Variants in DNAAF11 observed in about 807,000 individuals in gnomAD.
DNAAF11 encodes the protein dynein axonemal assembly factor 11.
In DNAAF11, 45 loss-of-function variants were observed where a neutral mutation model predicts 60.8. The ratio of observed to expected loss-of-function variants is 0.74; its 90% CI spans 0.58 to 0.95. DNAAF11 has a LOEUF of 0.95. Among genes scored for constraint, DNAAF11 ranks in the 40% least tolerant of loss-of-function variants. The pLI is 0.00. For synonymous variants in DNAAF11, 191 were observed against 183.5 expected, an observed-to-expected ratio of 1.04 and a Z score of -0.33; for missense variants, 546 against 546.2, an observed-to-expected ratio of 1.00 and a Z score of 0.00.
intron 10 of DNAAF11, among the ~76,000 whole-genome samples, chr8:132,605,931 T>G (rs1818082220): frequency 6.7e-6 from 1 of 149,348 alleles, no homozygotes; most frequent in African/African-American, 2.5e-5. Flanking sequence ...GAAGATGATG[T>G]CAGGGACATA....
intron 3 of DNAAF11, among the ~76,000 whole-genome samples, chr8:132,653,696 A>G (rs144537275): frequency 6.8e-4 from 103 of 152,280 alleles, no homozygotes; most frequent in African/African-American, 2.4e-3. Context: ...AGTTGGTATG[A>G]ATTTGAACTA....
intron 6 of DNAAF11, among the ~76,000 whole-genome samples, chr8:132,624,662 T>C (rs1820075160): frequency 6.6e-6 from 1 of 152,160 alleles, no homozygotes; most frequent in Non-Finnish European, 1.5e-5. Flanking sequence ...GAATAATAAG[T>C]ATTCCCATAA....
chr8:132,619,090 C>T (rs956230274), intron 7 of DNAAF11, among the ~76,000 whole-genome samples: 4 of 152,102 alleles, frequency 2.6e-5, no homozygotes, highest in African/African-American at 9.7e-5. Flanking sequence ...AAATATGGCA[C>T]ATATACACCA....
intron 7 of DNAAF11, among the ~76,000 whole-genome samples, chr8:132,621,986 T>G (rs1375875092): frequency 6.6e-6 from 1 of 152,204 alleles, no homozygotes; most frequent in Non-Finnish European, 1.5e-5. Flanking sequence ...GTTTGAGTAA[T>G]AAAATGAAGT....
chr8:132,639,933 A>T (rs1161692873), intron 3 of DNAAF11, among the ~76,000 whole-genome samples: 2 of 152,194 alleles, frequency 1.3e-5, no homozygotes, highest in Admixed American at 6.5e-5. Flanking sequence ...AAAAAATACA[A>T]GGAAAAGAAA....
chr8:132,643,426 GC>G, intron 3 of DNAAF11: 1 of 334,452 alleles, frequency 3.0e-6, no homozygotes, highest in East Asian at 7.5e-5. Flanking sequence ...TTGGAAGAAG[GC>G]AGGAGGAGGC....
At position 132,672,883 on chromosome 8, in the gene DNAAF11, T is replaced by G. The variant is rs372928189; in HGVS notation, c.10+2601A>C. Among the ~76,000 whole-genome samples, 209 of 152,228 alleles carry G rather than the reference T, an allele frequency of 1.4e-3. 3 individuals are homozygous for G. Among genetic ancestry groups the G allele is most frequent in the African/African-American group, 4.9e-3 (204 of 41,542 alleles). ...GACACTGGCTGAATCAATGTTCCCCTCCTCATCTCTAAAATGAACAGGTAC... is the reference window on the plus strand; with the variant it reads ...GACACTGGCTGAATCAATGTTCCCCGCCTCATCTCTAAAATGAACAGGTAC... On this transcript the variant is annotated intron_variant, in intron 1 of 11. Transcript: ENST00000620350.
chr8:132,591,337 C>T (rs1438113269), intron 10 of DNAAF11, among the ~76,000 whole-genome samples: 2 of 151,790 alleles, frequency 1.3e-5, no homozygotes, highest in African/African-American at 4.8e-5. Flanking sequence ...GGAAGGCTTG[C>T]TTTGTACTGT....
intron 3 of DNAAF11, among the ~76,000 whole-genome samples, chr8:132,644,419 G>A (rs1303163306): frequency 6.6e-6 from 1 of 152,162 alleles, no homozygotes. Context: ...CCCAGCATGA[G>A]CGACACAGAA....
intron 10 of DNAAF11, among the ~76,000 whole-genome samples, chr8:132,584,104 G>T (rs770612707): frequency 5.9e-5 from 9 of 152,084 alleles, no homozygotes; most frequent in Non-Finnish European, 1.2e-4. Flanking sequence ...TGGGGATACA[G>T]ATGTGATGGA....
chr8:132,603,321 T>C (rs1817818468), intron 10 of DNAAF11, among the ~76,000 whole-genome samples: 1 of 152,100 alleles, frequency 6.6e-6, no homozygotes, highest in Non-Finnish European at 1.5e-5. Context: ...GGTCTCAGAA[T>C]TGAATTATTG....
At chr8:132,598,156 T>C (rs1166866049) in intron 10 of DNAAF11, among the ~76,000 whole-genome samples, 1 of 152,224 alleles carries the variant, frequency 6.6e-6, no homozygotes, top group African/African-American at 2.4e-5. Context: ...TTCAACACTG[T>C]GTGTGGCACA....
intron 10 of DNAAF11, among the ~76,000 whole-genome samples, chr8:132,597,065 G>A (rs959910230): frequency 6.6e-6 from 1 of 152,212 alleles, no homozygotes; most frequent in Non-Finnish European, 1.5e-5. Context: ...TTGCAGTTCT[G>A]CAGAAGCTAT....
chr8:132,621,074 T>C (rs55724482), intron 7 of DNAAF11, among the ~76,000 whole-genome samples: 143 of 152,146 alleles, frequency 9.4e-4, no homozygotes, highest in African/African-American at 3.3e-3. Context: ...CAGGGTGATG[T>C]AGATGACTGC....
intron 10 of DNAAF11, among the ~76,000 whole-genome samples, chr8:132,593,328 C>CATATATATATATATATATATAT (rs1160460984): frequency 1.5e-5 from 1 of 67,566 alleles, no homozygotes; most frequent in South Asian, 4.9e-4. Context: ...AGAATATATA[C>CATATATATATATATATATATAT]ATACATATAT....
chr8:132,675,135 G>GTTT (rs1316336035), intron 1 of DNAAF11: 7 of 312,972 alleles, frequency 2.2e-5, no homozygotes, highest in African/African-American at 4.3e-5. Context: ...TTCACAGCCA[G>GTTT]TAAGGAGCCA....
At chr8:132,604,349 A>G (rs1030053112) in intron 10 of DNAAF11, among the ~76,000 whole-genome samples, 29 of 152,140 alleles carry the variant, frequency 1.9e-4, no homozygotes, top group African/African-American at 6.8e-4. Context: ...TTAATATGTG[A>G]TCTTCACTTC....
At chr8:132,651,580 A>AG (rs758390812) in intron 3 of DNAAF11, among the ~76,000 whole-genome samples, 1 of 152,146 alleles carries the variant, frequency 6.6e-6, no homozygotes, top group African/African-American at 2.4e-5. Flanking sequence ...AAAAGGCAGG[A>AG]GGGGGGTTGG....
At position 132,637,972 on chromosome 8, in the gene DNAAF11, T is replaced by G; in HGVS notation, c.392A>C (p.Tyr131Ser). The change falls in exon 4 of 12, where the codon TAT (tyrosine) becomes TCT (serine). Residue 131 changes from tyrosine (Y) to serine (S), a missense_variant. By Grantham distance (144) the Tyr-to-Ser change is moderately radical. Coordinates refer to ENST00000620350, the MANE Select transcript of DNAAF11 (RefSeq NM_012472.6). The part of the protein sequence containing the change: ...MGNPCASFDH[Y>S]REFVVATLPQ... The stretch of plus-strand genomic sequence containing the variant: ...AAGAGTTGCTACCACGAACTCCCTA[T>G]AGTGGTCAAAGGAAGCACATGGGTT... The G allele has an allele frequency of 6.2e-7, 1 of 1,614,036 alleles. No homozygotes were observed. The highest frequency in any genetic ancestry group is 8.5e-7 in the Non-Finnish European group (1 of 1,179,950).
Sources: gnomAD v4.1 joint callset for allele counts (sites outside exome capture counted in the v4.1 genomes callset) on GRCh38, gnomAD v4.1.1 for gene constraint, MANE v1.5 for transcripts, NCBI Gene and HGNC (gene_info 2026-07-23, HGNC 2026-07-21) for gene names.